TBC1D5: variants seen among roughly 807,000 people sequenced by gnomAD.
TBC1D5 encodes the protein TBC1 domain family member 5.
A neutral mutation model predicts 100.3 loss-of-function variants in TBC1D5; 75 were observed. That is an observed-to-expected ratio of 0.75 (90% CI 0.62 to 0.91). TBC1D5 has a LOEUF of 0.91. TBC1D5 is among the 40% of genes least tolerant of loss of function. TBC1D5 has a pLI of 0.00. For synonymous variants in TBC1D5, 323 were observed against 325.6 expected, an observed-to-expected ratio of 0.99 and a Z score of 0.09; for missense variants, 910 against 942.4, an observed-to-expected ratio of 0.97 and a Z score of 0.45.
chr3:17,530,538 C>T (rs1305058501), intron 2 of TBC1D5, among the ~76,000 whole-genome samples: 1 of 152,198 alleles, frequency 6.6e-6, no homozygotes, highest in Non-Finnish European at 1.5e-5. Flanking sequence ...CTCCACAAGG[C>T]ATTCCTGCAT....
intron 19 of TBC1D5, among the ~76,000 whole-genome samples, chr3:17,171,059 C>G (rs2067129953): frequency 6.6e-6 from 1 of 152,160 alleles, no homozygotes; most frequent in Non-Finnish European, 1.5e-5. Flanking sequence ...CCCGAAAAAC[C>G]TGTGAACCAG....
At chr3:17,570,730 T>A (rs184030345) in intron 2 of TBC1D5, among the ~76,000 whole-genome samples, 1 of 151,998 alleles carries the variant, frequency 6.6e-6, no homozygotes, top group Non-Finnish European at 1.5e-5. Context: ...ATGTCTATCA[T>A]CTAGAATCTT....
chr3:17,547,977 T>C (rs1204493593), intron 2 of TBC1D5, among the ~76,000 whole-genome samples: 1 of 152,160 alleles, frequency 6.6e-6, no homozygotes, highest in Non-Finnish European at 1.5e-5. Context: ...ATCTAAAACA[T>C]ATAGTACTCT....
At chr3:17,575,323 A>T (rs1032844147) in intron 2 of TBC1D5, 5 of 151,680 alleles carry the variant, frequency 3.3e-5, no homozygotes, top group African/African-American at 9.7e-5. Context: ...CAAAAAAAAA[A>T]AAATAAAATA....
chr3:17,738,945 T>C (rs568059108), intron 1 of TBC1D5, among the ~76,000 whole-genome samples: 147 of 152,314 alleles, frequency 9.7e-4, no homozygotes, highest in African/African-American at 3.4e-3. Context: ...TCCTAAACAC[T>C]TCACAGGTTT....
intron 13 of TBC1D5, among the ~76,000 whole-genome samples, chr3:17,352,693 A>AAAAAC (rs1553700549): frequency 7.4e-5 from 11 of 149,314 alleles, no homozygotes; most frequent in African/African-American, 2.5e-4. Flanking sequence ...CAAAAAAAAA[A>AAAAAC]AAAAAACAAA....
intron 3 of TBC1D5, among the ~76,000 whole-genome samples, chr3:17,446,933 T>C (rs568537796): frequency 6.6e-6 from 1 of 150,498 alleles, no homozygotes; most frequent in Non-Finnish European, 1.5e-5. Context: ...ATCACACCAC[T>C]GCACTCCAGC....
At chr3:17,269,651 C>T (rs2079187526) in intron 15 of TBC1D5, among the ~76,000 whole-genome samples, 1 of 151,966 alleles carries the variant, frequency 6.6e-6, no homozygotes, top group Non-Finnish European at 1.5e-5. Flanking sequence ...CCCTCCCTCC[C>T]TCCCTCCTTC....
At chr3:17,559,811 G>A (rs960050972) in intron 2 of TBC1D5, among the ~76,000 whole-genome samples, 1 of 151,702 alleles carries the variant, frequency 6.6e-6, no homozygotes, top group East Asian at 2.0e-4. Flanking sequence ...GGCTGGTCTC[G>A]AACTCCTGAC....
At chr3:17,584,471 T>C (rs2096719956) in intron 2 of TBC1D5, among the ~76,000 whole-genome samples, 1 of 152,210 alleles carries the variant, frequency 6.6e-6, no homozygotes, top group Non-Finnish European at 1.5e-5. Flanking sequence ...TTCGGAAGGC[T>C]CTTAGAAACT....
intron 4 of TBC1D5, among the ~76,000 whole-genome samples, chr3:17,426,670 T>C (rs970112671): frequency 4.6e-5 from 7 of 152,000 alleles, no homozygotes; most frequent in African/African-American, 1.7e-4. Flanking sequence ...GGAGTTACTT[T>C]TCAAAATACA....
At chr3:17,201,558 T>C (rs980472684) in intron 18 of TBC1D5, among the ~76,000 whole-genome samples, 1 of 152,218 alleles carries the variant, frequency 6.6e-6, no homozygotes, top group African/African-American at 2.4e-5. Context: ...TTTTCATCCC[T>C]GCCCAAATCT....
intron 1 of TBC1D5, among the ~76,000 whole-genome samples, chr3:17,708,058 C>T (rs1489121760): frequency 6.6e-6 from 1 of 152,148 alleles, no homozygotes; most frequent in Non-Finnish European, 1.5e-5. Flanking sequence ...AAAGTTGACG[C>T]CCACTGTTCA....
chr3:17,200,688 T>C (rs1386782825), intron 18 of TBC1D5, among the ~76,000 whole-genome samples: 1 of 152,258 alleles, frequency 6.6e-6, no homozygotes, highest in Non-Finnish European at 1.5e-5. Flanking sequence ...TTTGGAAATT[T>C]GATTATATTA....
intron 3 of TBC1D5, among the ~76,000 whole-genome samples, chr3:17,482,300 A>T (rs2095511332): frequency 6.6e-6 from 1 of 152,258 alleles, no homozygotes; most frequent in African/African-American, 2.4e-5. Context: ...ATATTAAGTG[A>T]TTAATAATAA....
rs1187817480 is a variant in TBC1D5 at position 17,265,665 on chromosome 3, G to C, written c.1246-7074C>G. Among the ~76,000 whole-genome samples the C allele has an allele frequency of 2.0e-5, 3 of 152,224 alleles. No homozygotes were observed. In the South Asian group the frequency reaches 6.2e-4, roughly 32 times the overall value. On this transcript the variant is annotated intron_variant, in intron 15 of 21. Transcript: ENST00000253692. Reference sequence around the variant, plus strand: ...AAACATATGTTGCAGGTGTTTTAGGGGAGACAGGTGGGCAAACCTCAGCCA... The same window carrying C: ...AAACATATGTTGCAGGTGTTTTAGGCGAGACAGGTGGGCAAACCTCAGCCA...
At chr3:17,175,182 T>C (rs913973462) in intron 19 of TBC1D5, among the ~76,000 whole-genome samples, 1 of 152,302 alleles carries the variant, frequency 6.6e-6, no homozygotes, top group Middle Eastern at 3.4e-3. Flanking sequence ...AGGATCCTCT[T>C]TGGCATCCAG....
At chr3:17,712,958 T>C (rs1285202429) in intron 1 of TBC1D5, among the ~76,000 whole-genome samples, 5 of 152,160 alleles carry the variant, frequency 3.3e-5, no homozygotes, top group Non-Finnish European at 7.4e-5. Flanking sequence ...ACAGCCTACT[T>C]TTTATGTTTC....
intron 1 of TBC1D5, among the ~76,000 whole-genome samples, chr3:17,675,913 C>T (rs13085167): frequency 0.57 from 86,828 of 151,878 alleles, 25,636 homozygotes; most frequent in East Asian, 0.99. Flanking sequence ...TTATTTGCCC[C>T]TTACTATATG....
Sources: allele counts gnomAD v4.1 joint callset (sites outside exome capture counted in the v4.1 genomes callset), GRCh38; gene constraint gnomAD v4.1.1; transcripts MANE v1.5; gene names NCBI Gene and HGNC (gene_info 2026-07-23, HGNC 2026-07-21).